Variants in PID1 observed in about 807,000 individuals in gnomAD.
The protein encoded by PID1 is phosphotyrosine interaction domain containing 1.
Under a neutral mutation model 19.1 loss-of-function variants are expected in PID1, and 10 were observed. The observed-to-expected ratio is 0.52, with a 90% CI of 0.32 to 0.89. The LOEUF is 0.89. Ranked by LOEUF, PID1 falls within the 40% of genes least tolerant of loss-of-function variation. PID1 has a pLI of 0.03. For synonymous variants in PID1, 130 were observed against 116.0 expected, an observed-to-expected ratio of 1.12 and a Z score of -0.78; for missense variants, 248 against 285.3, an observed-to-expected ratio of 0.87 and a Z score of 0.94.
At chr2:229,162,064 C>G (rs1362255) in intron 1 of PID1, among the ~76,000 whole-genome samples, 48,813 of 152,088 alleles carry the variant, frequency 0.32, 8,604 homozygotes, top group East Asian at 0.71. Flanking sequence ...GCACAGAGAT[C>G]CATAAAGAAA....
intron 1 of PID1, among the ~76,000 whole-genome samples, chr2:229,185,581 G>A (rs572035857): frequency 6.6e-6 from 1 of 152,292 alleles, no homozygotes; most frequent in African/African-American, 2.4e-5. Context: ...TACATGAATG[G>A]CAGCAGGCAT....
intron 2 of PID1, among the ~76,000 whole-genome samples, chr2:229,043,414 TAA>T (rs1693812668): frequency 6.6e-6 from 1 of 152,128 alleles, no homozygotes; most frequent in Admixed American, 6.5e-5. Flanking sequence ...GGTGTCTAGT[TAA>T]AGTCATTGCC....
At chr2:229,078,517 A>G (rs996992700) in intron 2 of PID1, among the ~76,000 whole-genome samples, 10 of 152,032 alleles carry the variant, frequency 6.6e-5, no homozygotes, top group Admixed American at 1.3e-4. Flanking sequence ...CTTCAGTATG[A>G]TATTAGCTGT....
intron 1 of PID1, among the ~76,000 whole-genome samples, chr2:229,193,307 G>C (rs906046080): frequency 6.6e-6 from 1 of 152,176 alleles, no homozygotes; most frequent in Middle Eastern, 3.2e-3. Flanking sequence ...CAGTGGTCTT[G>C]GGATAGTCAG....
intron 1 of PID1, among the ~76,000 whole-genome samples, chr2:229,266,689 G>T (rs1020141527): frequency 1.2e-4 from 18 of 152,184 alleles, no homozygotes; most frequent in Admixed American, 1.0e-3. Flanking sequence ...GCTGCTCAAC[G>T]CTGGCCAAAT....
At chr2:229,216,480 G>A (rs1260634472) in intron 1 of PID1, among the ~76,000 whole-genome samples, 2 of 152,128 alleles carry the variant, frequency 1.3e-5, no homozygotes, top group African/African-American at 4.8e-5. Context: ...CCACCATGAT[G>A]ACCAGCAGCT....
intron 1 of PID1, among the ~76,000 whole-genome samples, chr2:229,212,107 A>C (rs1441789715): frequency 6.7e-6 from 1 of 150,062 alleles, no homozygotes. Context: ...TTAGGTCTTT[A>C]TTATGGTCTC....
chr2:229,228,410 A>G (rs1692129410), intron 1 of PID1, among the ~76,000 whole-genome samples: 1 of 152,210 alleles, frequency 6.6e-6, no homozygotes, highest in Non-Finnish European at 1.5e-5. Context: ...GTCAAGCCTC[A>G]CATATATTTA....
intron 1 of PID1, among the ~76,000 whole-genome samples, chr2:229,189,259 G>A (rs776910346): frequency 5.9e-5 from 9 of 152,152 alleles, no homozygotes; most frequent in African/African-American, 1.9e-4. Context: ...CCTAAGTCAC[G>A]CAGAATCAAT....
At chr2:229,247,880 C>T (rs186936799) in intron 1 of PID1, among the ~76,000 whole-genome samples, 1 of 152,316 alleles carries the variant, frequency 6.6e-6, no homozygotes, top group Non-Finnish European at 1.5e-5. Flanking sequence ...CAACCACCAA[C>T]ACTTTATCAC....
At chr2:229,163,735 TAC>T (rs916692390) in intron 1 of PID1, among the ~76,000 whole-genome samples, 5 of 151,742 alleles carry the variant, frequency 3.3e-5, no homozygotes, top group African/African-American at 7.2e-5. Flanking sequence ...TGACTTGAAA[TAC>T]ACACACACAC....
At chr2:229,158,819 C>T (rs991596971) in intron 1 of PID1, among the ~76,000 whole-genome samples, 2 of 151,958 alleles carry the variant, frequency 1.3e-5, no homozygotes, top group Non-Finnish European at 1.5e-5. Context: ...ATGAAATAAG[C>T]CAAGCACAGA....
intron 2 of PID1, among the ~76,000 whole-genome samples, chr2:229,087,467 T>TCCC (rs1694791935): frequency 1.3e-5 from 2 of 152,196 alleles, no homozygotes; most frequent in Admixed American, 1.3e-4. Flanking sequence ...GGGGATCAAA[T>TCCC]GTCTCCTGCA....
chr2:229,072,398 C>T (rs1203033947), intron 2 of PID1, among the ~76,000 whole-genome samples: 1 of 152,042 alleles, frequency 6.6e-6, no homozygotes, highest in African/African-American at 2.4e-5. Context: ...ACCAGCCTGT[C>T]CAACACGGCA....
At chr2:229,262,989 T>A (rs1228501874) in intron 1 of PID1, 6 of 1,197,948 alleles carry the variant, frequency 5.0e-6, no homozygotes, top group Middle Eastern at 3.0e-4. Context: ...TATTTCCAAA[T>A]AAAGCTACAT....
At chr2:229,196,525 A>G (rs570928652) in intron 1 of PID1, among the ~76,000 whole-genome samples, 4 of 152,108 alleles carry the variant, frequency 2.6e-5, no homozygotes, top group Non-Finnish European at 4.4e-5. Context: ...AGCTCAAAAT[A>G]AGATGATAAA....
intron 1 of PID1, among the ~76,000 whole-genome samples, chr2:229,177,422 G>C (rs766545402): frequency 6.6e-6 from 1 of 152,174 alleles, no homozygotes; most frequent in Non-Finnish European, 1.5e-5. Context: ...TAATTGTTAC[G>C]TGAATTATTC....
intron 2 of PID1, among the ~76,000 whole-genome samples, chr2:229,080,306 T>C (rs1222635506): frequency 1.3e-5 from 2 of 152,158 alleles, no homozygotes; most frequent in African/African-American, 4.8e-5. Context: ...TGTAGCCTCA[T>C]TTTCACCCCA....
In PID1 at chr2:229,257,825, T is replaced by C. The variant is rs1574763968; in HGVS notation, c.30+13189A>G. ...CCACTAGTGAAGTTATTCCATCCTG[T>C]CTAGTTTTCAGTTGCCATATTCCTG... On this transcript the variant is annotated intron_variant, in intron 1 of 2. Coordinates refer to ENST00000392055, the MANE Select transcript of PID1 (RefSeq NM_001100818.2). Among the ~76,000 whole-genome samples, 3 of 152,326 alleles carry C rather than the reference T, an allele frequency of 2.0e-5. No individual in the cohort carries two copies. In the East Asian group the frequency reaches 5.8e-4, roughly 29 times the overall value.
Sources: allele counts gnomAD v4.1 joint callset (sites outside exome capture counted in the v4.1 genomes callset), GRCh38; gene constraint gnomAD v4.1.1; transcripts MANE v1.5; gene names NCBI Gene and HGNC (gene_info 2026-07-23, HGNC 2026-07-21).